Variants in PAK6 observed in about 807,000 individuals in gnomAD.
PAK6 encodes p21 (RAC1) activated kinase 6.
PAK6 carries 33 observed loss-of-function variants against 60.8 expected under a neutral mutation model. That is an observed-to-expected ratio of 0.54 (90% CI 0.41 to 0.73). The LOEUF (loss-of-function observed/expected upper bound fraction) is 0.73. PAK6 is among the 30% of genes least tolerant of loss of function. PAK6 has a pLI of 0.00. For synonymous variants in PAK6, 404 were observed against 378.5 expected (o/e 1.07, Z -0.78); for missense variants, 845 against 904.1 (o/e 0.93, Z 0.84).
intron 2 of PAK6, among the ~76,000 whole-genome samples, chr15:40,248,430 G>A (rs1012843172): frequency 1.3e-5 from 2 of 152,178 alleles, no homozygotes; most frequent in Non-Finnish European, 2.9e-5. Flanking sequence ...ACCCCTCTAG[G>A]AGCCCCAGCT....
At chr15:40,249,702 T>C (rs559455126) in intron 2 of PAK6, among the ~76,000 whole-genome samples, 1 of 152,382 alleles carries the variant, frequency 6.6e-6, no homozygotes, top group African/African-American at 2.4e-5. Flanking sequence ...AGCTGATCCC[T>C]ATCTTTCCTC....
chr15:40,267,385 T>C (rs1312474432), intron 5 of PAK6, among the ~76,000 whole-genome samples: 2 of 152,136 alleles, frequency 1.3e-5, no homozygotes, highest in African/African-American at 2.4e-5. Flanking sequence ...CGGCCGCGCG[T>C]GGTGGCTCAC....
chr15:40,262,906 C>T (rs1421063611), intron 3 of PAK6, among the ~76,000 whole-genome samples: 2 of 152,252 alleles, frequency 1.3e-5, no homozygotes, highest in African/African-American at 4.8e-5. Context: ...AGACTCCCTA[C>T]AACTCATCTG....
At chr15:40,276,564 C>T (rs1329286666) in exon 11 of PAK6, 1 of 156,912 alleles carries the variant, frequency 6.4e-6, no homozygotes, top group Non-Finnish European at 1.4e-5. Context: ...AATCCCGCTT[C>T]CTCCCTCACG....
intron 3 of PAK6, chr15:40,259,722 G>A (rs1354781802): frequency 7.2e-6 from 1 of 139,778 alleles, no homozygotes; most frequent in East Asian, 2.1e-4. Context: ...GGAAGGCAGA[G>A]GTTGCAGTGA....
At chr15:40,275,845 C>A in intron 10 of PAK6, 82 bp from the exon 11 acceptor site, 1 of 1,351,184 alleles carries the variant, frequency 7.4e-7, no homozygotes, top group Non-Finnish European at 1.0e-6. Context: ...TCATGACTTT[C>A]AAACAATGAT....
chr15:40,268,260 C>T (rs148820764), intron 5 of PAK6, among the ~76,000 whole-genome samples: 137 of 152,284 alleles, frequency 9.0e-4, no homozygotes, highest in African/African-American at 3.2e-3. Flanking sequence ...TGCTCCGGGC[C>T]GGGGCTTCTC....
chr15:40,241,661 G>T (rs1435168345), intron 2 of PAK6, among the ~76,000 whole-genome samples: 2 of 152,200 alleles, frequency 1.3e-5, no homozygotes, highest in Non-Finnish European at 2.9e-5. Flanking sequence ...GCACCTGAGA[G>T]GGGGAGTGTG....
intron 3 of PAK6, among the ~76,000 whole-genome samples, chr15:40,262,653 G>A (rs74010796): frequency 0.026 from 3,921 of 152,300 alleles, 164 homozygotes; most frequent in African/African-American, 0.088. Flanking sequence ...TGACTGGTAA[G>A]TCTGAGCAGA....
At chr15:40,264,694 G>T in intron 3 of PAK6, 87 bp from the exon 4 acceptor site, 2 of 1,095,340 alleles carry the variant, frequency 1.8e-6, no homozygotes, top group Admixed American at 3.7e-5. Context: ...TGGGGGAGGG[G>T]AGGGAGCCCT....
intron 2 of PAK6, among the ~76,000 whole-genome samples, chr15:40,241,989 T>C (rs2038365274): frequency 6.6e-6 from 1 of 151,856 alleles, no homozygotes; most frequent in South Asian, 2.1e-4. Flanking sequence ...TGCCTAGGAG[T>C]CTTCCATGCA....
At chr15:40,253,877 C>T (rs923145339) in intron 3 of PAK6, among the ~76,000 whole-genome samples, 2 of 144,896 alleles carry the variant, frequency 1.4e-5, no homozygotes, top group African/African-American at 4.9e-5. Flanking sequence ...TATCTTGCCC[C>T]ATTCTGGTGG....
chr15:40,243,816 A>C (rs528705731), intron 2 of PAK6, among the ~76,000 whole-genome samples: 10 of 152,314 alleles, frequency 6.6e-5, no homozygotes, highest in African/African-American at 2.4e-4. Context: ...TGAGGACTTG[A>C]AGTGGGCTGC....
Position 40,264,147 on chromosome 15 carries a change from G to A in PAK6, c.-5-634G>A, listed in dbSNP as rs532391698. On this transcript the variant is annotated intron_variant, in intron 3 of 10. Coordinates refer to ENST00000560346, the Ensembl canonical transcript of PAK6. ...TAGTCCCACACCGGGCAGCATGTCT[G>A]TGATCAGCTGGTTGGCTTTTTATTA... is the stretch of plus-strand genomic sequence containing the variant. Among the ~76,000 whole-genome samples, 3 of 152,194 alleles carry A rather than the reference G, an allele frequency of 2.0e-5. No individual in the cohort carries two copies. The East Asian group carries it at 5.8e-4, about 29-fold the overall frequency.
intron 3 of PAK6, among the ~76,000 whole-genome samples, chr15:40,256,087 C>T (rs1009045675): frequency 4.0e-5 from 6 of 151,832 alleles, no homozygotes; most frequent in African/African-American, 1.2e-4. Flanking sequence ...CAGCTGGGCA[C>T]GGTGGTATGC....
At chr15:40,259,895 G>A (rs1239568944) in intron 3 of PAK6, 1 of 151,304 alleles carries the variant, frequency 6.6e-6, no homozygotes. Context: ...GAGATCACCT[G>A]TAGCCCCACC....
At chr15:40,257,054 C>G (rs2038855297) in intron 3 of PAK6, 4 of 152,296 alleles carry the variant, frequency 2.6e-5, no homozygotes, top group Admixed American at 2.6e-4. Flanking sequence ...GCTGAGCCAG[C>G]ACTCGGGCTT....
intron 3 of PAK6, 70 bp from the exon 4 acceptor site, chr15:40,264,711 G>A: frequency 7.3e-7 from 1 of 1,374,344 alleles, no homozygotes; most frequent in Non-Finnish European, 1.0e-6. Context: ...CCCTGAACCT[G>A]GTGCCCCAGG....
At chr15:40,256,204 G>A (rs916247544) in intron 3 of PAK6, among the ~76,000 whole-genome samples, 6 of 152,162 alleles carry the variant, frequency 3.9e-5, no homozygotes, top group African/African-American at 1.2e-4. Flanking sequence ...CAGCCTGGGC[G>A]ACTGAGTGAG....
Sources: allele counts gnomAD v4.1 joint callset (sites outside exome capture counted in the v4.1 genomes callset), GRCh38; gene constraint gnomAD v4.1.1; transcripts MANE v1.5; gene names NCBI Gene and HGNC (gene_info 2026-07-23, HGNC 2026-07-21).